OLAH: variants seen among roughly 807,000 people sequenced by gnomAD.
OLAH encodes S-acyl fatty acid synthase thioesterase, medium chain.
In OLAH, 33 loss-of-function variants were observed where a neutral mutation model predicts 27.8. The observed-to-expected ratio is 1.19, with a 90% CI of 0.90 to 1.59. The LOEUF (loss-of-function observed/expected upper bound fraction) is 1.59. Among genes scored for constraint, OLAH ranks in the 40% most tolerant of loss-of-function variants. The probability of loss-of-function intolerance (pLI) is 0.00; values close to 1 mark genes in which losing one functional copy is unlikely to be tolerated. For synonymous variants in OLAH, 120 were observed against 102.9 expected (o/e 1.17, Z -1.01); for missense variants, 359 against 310.8 (o/e 1.16, Z -1.17).
chr10:15,057,187 T>C (rs886315033), intron 3 of OLAH, among the ~76,000 whole-genome samples: 3 of 152,150 alleles, frequency 2.0e-5, no homozygotes, highest in Admixed American at 6.6e-5. Flanking sequence ...TTTGCCTATT[T>C]TTCTTCTATC....
intron 1 of OLAH, among the ~76,000 whole-genome samples, chr10:15,035,509 G>T (rs1843828102): frequency 6.6e-6 from 1 of 152,070 alleles, no homozygotes; most frequent in South Asian, 2.1e-4. Flanking sequence ...ATGGGGAAGT[G>T]CCATAGCTTT....
At chr10:15,047,777 A>C (rs1844050376) in intron 2 of OLAH, among the ~76,000 whole-genome samples, 1 of 152,206 alleles carries the variant, frequency 6.6e-6, no homozygotes, top group African/African-American at 2.4e-5. Flanking sequence ...CCAAGTAAAA[A>C]GCAGTGAGTT....
upstream of OLAH, chr10:15,032,215 A>C (rs1843768618): frequency 6.6e-6 from 1 of 151,798 alleles, no homozygotes; most frequent in African/African-American, 2.4e-5. Flanking sequence ...AGCCTCCCAG[A>C]CTCCATCTTT....
In OLAH at chr10:15,047,145, G is replaced by C; in HGVS notation, c.-144G>C. On this transcript the variant is annotated 5_prime_UTR_variant, in exon 2 of 8. Transcript: ENST00000378228. Reference sequence around the variant, plus strand: ...TAACAGGGATTGGAGAGGTCAATAAGAGTCAGCGCCTTTAAAAAGAAATCT... The same window carrying C: ...TAACAGGGATTGGAGAGGTCAATAACAGTCAGCGCCTTTAAAAAGAAATCT... The C allele has an allele frequency of 1.6e-6, 1 of 641,864 alleles. No homozygotes were observed. The highest frequency in any genetic ancestry group is 2.6e-6 in the Non-Finnish European group (1 of 382,338). 39.8% of individuals were successfully genotyped at this position (641,864 alleles called of 1,614,324 possible).
chr10:15,065,424 T>C, intron 5 of OLAH, 160 bp from the exon 6 acceptor site: 1 of 673,050 alleles, frequency 1.5e-6, no homozygotes, highest in Non-Finnish European at 2.4e-6. Context: ...TTCTTCTCCC[T>C]ACTTTCAAAA....
chr10:15,057,041 T>C (rs1844260164), intron 3 of OLAH: 2 of 1,333,614 alleles, frequency 1.5e-6, no homozygotes, highest in Non-Finnish European at 1.9e-6. Flanking sequence ...TTTAATGTGG[T>C]GTCTTCTGAC....
chr10:15,064,129 C>T (rs895680321), intron 4 of OLAH, among the ~76,000 whole-genome samples: 1 of 152,192 alleles, frequency 6.6e-6, no homozygotes, highest in Non-Finnish European at 1.5e-5. Flanking sequence ...CACAGTGATA[C>T]ACACCTTTAA....
intron 4 of OLAH, among the ~76,000 whole-genome samples, chr10:15,062,964 G>T (rs1844397851): frequency 6.6e-6 from 1 of 151,974 alleles, no homozygotes; most frequent in Non-Finnish European, 1.5e-5. Context: ...GTCTCAAACT[G>T]CTGACCTCGA....
At chr10:15,064,381 T>G in intron 4 of OLAH, 22 bp from the exon 5 acceptor site, 2 of 1,451,368 alleles carry the variant, frequency 1.4e-6, no homozygotes, top group Non-Finnish European at 1.9e-6. Flanking sequence ...GTTCTTGTCA[T>G]GTTTTTCTTT....
In OLAH at chr10:15,057,043, T is replaced by A. The variant is rs372828950; in HGVS notation, c.164-4681T>A. Reference sequence around the variant, plus strand: ...TGCCACCTTTCTTTTTAATGTGGTGTCTTCTGACTCACAGAAGCTTTAAAT... The same window carrying A: ...TGCCACCTTTCTTTTTAATGTGGTGACTTCTGACTCACAGAAGCTTTAAAT... On this transcript the variant is annotated intron_variant, in intron 3 of 7. Transcript: ENST00000378228. 3.0e-6 allele frequency: 4 copies of A among 1,312,750 alleles called. No homozygotes were observed. The East Asian group carries it at 1.2e-4, about 40-fold the overall frequency. 81.3% of individuals were successfully genotyped at this position (1,312,750 alleles called of 1,614,324 possible). A position where few individuals can be genotyped will look rare whatever the true frequency, so the allele number is the denominator to read the frequency against.
chr10:15,061,600 G>A, intron 3 of OLAH, 124 bp from the exon 4 acceptor site: 2 of 846,102 alleles, frequency 2.4e-6, no homozygotes, highest in Non-Finnish European at 1.7e-6. Flanking sequence ...TTACCTTGCT[G>A]GACTTAACTG....
chr10:15,059,376 G>C (rs1363467933), intron 3 of OLAH, among the ~76,000 whole-genome samples: 1 of 151,156 alleles, frequency 6.6e-6, no homozygotes. Context: ...TTTTTATAGA[G>C]ATAAGGTCTC....
chr10:15,055,659 C>A (rs922682435), intron 3 of OLAH, among the ~76,000 whole-genome samples: 1 of 152,090 alleles, frequency 6.6e-6, no homozygotes, highest in African/African-American at 2.4e-5. Context: ...CAATTAAAGG[C>A]CACTACTTTA....
chr10:15,053,872 G>T (rs1393463005), intron 3 of OLAH, among the ~76,000 whole-genome samples: 1 of 151,760 alleles, frequency 6.6e-6, no homozygotes, highest in Admixed American at 6.6e-5. Flanking sequence ...AAGCTACCAC[G>T]CTTGGCTAAT....
chr10:15,061,426 T>C (rs914876295), intron 3 of OLAH, among the ~76,000 whole-genome samples: 4 of 152,138 alleles, frequency 2.6e-5, no homozygotes, highest in African/African-American at 9.6e-5. Flanking sequence ...GTAACGGTTG[T>C]TGGGGTAAGC....
At chr10:15,066,544 C>T (rs958127784) in intron 6 of OLAH, among the ~76,000 whole-genome samples, 2 of 151,914 alleles carry the variant, frequency 1.3e-5, no homozygotes, top group Non-Finnish European at 2.9e-5. Context: ...CTTGATTCTT[C>T]TGATAGAACT....
At chr10:15,036,008 G>A (rs1843835896) in intron 1 of OLAH, among the ~76,000 whole-genome samples, 2 of 152,098 alleles carry the variant, frequency 1.3e-5, no homozygotes, top group Non-Finnish European at 2.9e-5. Context: ...GATTCTAGAT[G>A]TTAGCCCAGC....
At chr10:15,054,705 C>T (rs114532856) in intron 3 of OLAH, among the ~76,000 whole-genome samples, 84 of 152,198 alleles carry the variant, frequency 5.5e-4, no homozygotes, top group African/African-American at 2.0e-3. Context: ...TTTGCTTGTA[C>T]TCCATATCTA....
chr10:15,070,318 T>TAG (rs1201118559), intron 6 of OLAH, among the ~76,000 whole-genome samples: 2 of 152,190 alleles, frequency 1.3e-5, no homozygotes, highest in Non-Finnish European at 2.9e-5. Context: ...ATCCAGAGGA[T>TAG]AGAAGTCCAG....
Sources: allele counts gnomAD v4.1 joint callset (sites outside exome capture counted in the v4.1 genomes callset), GRCh38; gene constraint gnomAD v4.1.1; transcripts MANE v1.5; gene names NCBI Gene and HGNC (gene_info 2026-07-23, HGNC 2026-07-21).